ERF: variants seen among roughly 807,000 people sequenced by gnomAD.
The protein encoded by ERF is ETS2 repressor factor.
Under a neutral mutation model 41.6 loss-of-function variants are expected in ERF, and 10 were observed. The observed-to-expected ratio is 0.24, with a 90% CI of 0.15 to 0.41. ERF has a LOEUF of 0.41. Ranked by LOEUF, ERF falls within the 10% of genes least tolerant of loss-of-function variation. ERF has a pLI of 1.00. For synonymous variants in ERF, 395 were observed against 342.4 expected (o/e 1.15, Z -1.70); for missense variants, 621 against 763.2 (o/e 0.81, Z 2.19).
intron 1 of ERF, chr19:42,254,457 G>A: frequency 6.5e-6 from 1 of 153,104 alleles, no homozygotes; most frequent in South Asian, 2.0e-4. Context: ...GCGGGGGAGG[G>A]GCGGCGCAGC....
In ERF at chr19:42,248,304, T is replaced by TA. The variant is rs1386563367; in HGVS notation, c.*160dup. ...GGCACCCACCCACCCCCACCATTTTTAAAAAAAAGAAATTAAAGTTTTATA... is the reference window on the plus strand; with the variant it reads ...GGCACCCACCCACCCCCACCATTTTTAAAAAAAAAGAAATTAAAGTTTTATA... On this transcript the variant is annotated 3_prime_UTR_variant, in exon 4 of 4. Coordinates refer to ENST00000222329, the MANE Select transcript of ERF (RefSeq NM_006494.4). The surrounding 1 kb of genome is among the most constrained non-coding windows in gnomAD (Gnocchi z 4.2). 4.4e-5 allele frequency: 27 copies of TA among 614,660 alleles called. No individual in the cohort carries two copies. Among genetic ancestry groups the TA allele is most frequent in the East Asian group, 7.3e-5 (2 of 27,558 alleles). The allele number at this position is 614,660 out of a possible 1,614,324, so 38.1% of individuals were successfully genotyped here. A position where few individuals can be genotyped will look rare whatever the true frequency, so the allele number is the denominator to read the frequency against.
intron 1 of ERF, among the ~76,000 whole-genome samples, chr19:42,252,747 G>T (rs1172360893): frequency 2.0e-5 from 3 of 152,174 alleles, no homozygotes; most frequent in Non-Finnish European, 4.4e-5. Context: ...AGAATGAAGA[G>T]GGGGTGACGT....
chr19:42,249,114 T>G lies in ERF; in HGVS notation c.998A>C (p.His333Pro), dbSNP rs781590022. ...CTGGGGCACCACCAGCCCAGGGTAG[T>G]GCAGGAAGGCGCGGGGGCTGAGGTG... ...NYHLSPRAFL[H>P]YPGLVVPQPQ... The change falls in exon 4 of 4, where the codon CAC (histidine) becomes CCC (proline). Residue 333 changes from histidine (H) to proline (P), a missense_variant. Physicochemically the swap from His to Pro is moderately conservative, Grantham distance 77. Coordinates refer to ENST00000222329, the MANE Select transcript of ERF (RefSeq NM_006494.4). This position sits in a 1 kb window ranked among gnomAD's most constrained non-coding sequence, Gnocchi z 8.6. The G allele has an allele frequency of 1.9e-6, 3 of 1,613,720 alleles. No homozygotes were observed. Among genetic ancestry groups the G allele is most frequent in the Non-Finnish European group, 2.5e-6 (3 of 1,179,868 alleles).
At chr19:42,253,607 T>C (rs1046677567) in intron 1 of ERF, among the ~76,000 whole-genome samples, 1 of 151,392 alleles carries the variant, frequency 6.6e-6, no homozygotes, top group African/African-American at 2.4e-5. Flanking sequence ...CGGGAGCGAG[T>C]GGAAGCCGGG....
Position 42,248,850 on chromosome 19 carries a change from G to A in ERF, c.1262C>T (p.Pro421Leu), listed in dbSNP as rs533363033. The change falls in exon 4 of 4, where the codon CCG (proline) becomes CTG (leucine). Residue 421 changes from proline (P) to leucine (L), a missense_variant. This residue lies in a region of ERF where 569 missense variants were observed against 625.5 expected (regional missense o/e 0.91). Coordinates refer to ENST00000222329, the MANE Select transcript of ERF (RefSeq NM_006494.4). This position sits in a 1 kb window ranked among gnomAD's most constrained non-coding sequence, Gnocchi z 4.2. ...EGAGALAPPP[P>L]PPQIKVEPIS... ...GGGCTCCACCTTGATCTGTGGTGGC[G>A]GGGGCGGTGGGGCTAGCGCCCCTGC... 206 of 1,610,318 alleles carry A rather than the reference G, an allele frequency of 1.3e-4. 1 individual carries two copies. The Admixed American group carries it at 2.4e-3, about 19-fold the overall frequency.
chr19:42,253,531 G>A (rs1178830078), intron 1 of ERF, among the ~76,000 whole-genome samples: 4 of 152,144 alleles, frequency 2.6e-5, no homozygotes, highest in African/African-American at 9.7e-5. Context: ...AAGCGAGGTT[G>A]TCTGGGTGCC....
chr19:42,255,019 AGCGCCCCGATTCCGGGCCGCGGCTCCCG>A lies in ERF; in HGVS notation c.-48_-21del. The A allele has an allele frequency of 7.1e-7, 1 of 1,415,828 alleles. No homozygotes were observed. Among genetic ancestry groups the A allele is most frequent in the Non-Finnish European group, 9.2e-7 (1 of 1,085,818 alleles). The allele number at this position is 1,415,828 out of a possible 1,614,324, so 87.7% of individuals were successfully genotyped here. ...CTTCATGCTGGGGGGCCCGGGGCGAAGCGCCCCGATTCCGGGCCGCGGCTCCCGGCGCCCTCGCTGCCCCGTCCCGTCC... is the reference window on the plus strand; with the variant it reads ...CTTCATGCTGGGGGGCCCGGGGCGAAGCGCCCTCGCTGCCCCGTCCCGTCC... On this transcript the variant is annotated 5_prime_UTR_variant, in exon 1 of 4. Coordinates refer to ENST00000222329, the MANE Select transcript of ERF (RefSeq NM_006494.4).
chr19:42,254,256 C>A (rs1395071724), intron 1 of ERF, among the ~76,000 whole-genome samples: 2 of 151,748 alleles, frequency 1.3e-5, no homozygotes, highest in African/African-American at 2.4e-5. Flanking sequence ...CGTCTCCCCC[C>A]ACCTTCCCCA....
In ERF at chr19:42,250,812, G is replaced by T. The variant is rs547132770; in HGVS notation, c.23-247C>A. 4.6e-5 allele frequency among the ~76,000 whole-genome samples: 7 copies of T among 152,164 alleles called. No homozygotes were observed. Among genetic ancestry groups the T allele is most frequent in the Non-Finnish European group, 1.0e-4 (7 of 68,020 alleles). ...GCGACACCGGGAGAAACAGGAAACC[G>T]TCGGCGGTGGGTCCCGGGGCCAGTG... is the stretch of plus-strand genomic sequence containing the variant. On this transcript the variant is annotated intron_variant, in intron 1 of 3. Transcript: ENST00000222329. This position sits in a 1 kb window ranked among gnomAD's most constrained non-coding sequence, Gnocchi z 5.1.
Position 42,249,960 on chromosome 19 carries a change from C to T in ERF, c.258-18G>A, listed in dbSNP as rs2036416542. The T allele has an allele frequency of 6.2e-7, 1 of 1,610,936 alleles. No homozygotes were observed. The highest frequency in any genetic ancestry group is 1.7e-5 in the Admixed American group (1 of 59,986). ...AGTAATAGCTGTGGGTACAGAAATGCCATTGGGAAGGTCAGGTACGTGGGA... is the reference window on the plus strand; with the variant it reads ...AGTAATAGCTGTGGGTACAGAAATGTCATTGGGAAGGTCAGGTACGTGGGA... On this transcript the variant is annotated intron_variant, in intron 2 of 3. Transcript: ENST00000222329. The surrounding 1 kb of genome is among the most constrained non-coding windows in gnomAD (Gnocchi z 8.6).
At position 42,249,000 on chromosome 19, in the gene ERF, G is replaced by A. The variant is rs767470579; in HGVS notation, c.1112C>T (p.Ser371Phe). Residue 371 changes from serine to phenylalanine, a missense_variant, in exon 4 of 4, where the codon TCT becomes TTT. By Grantham distance (155) the Ser-to-Phe change is radical. This residue lies in a region of ERF where 569 missense variants were observed against 625.5 expected (regional missense o/e 0.91). Transcript: ENST00000222329. This position sits in a 1 kb window ranked among gnomAD's most constrained non-coding sequence, Gnocchi z 4.2. ...GAGCTTAAACTTGAATGGGGAGGAA[G>A]AAGAAGAAGAGGATGACGAGGCCGA... ...PSSASSSSSS[S>F]SSPFKFKLQP... is the part of the protein sequence containing the mutation. 1.9e-6 allele frequency: 3 copies of A among 1,609,536 alleles called. No individual in the cohort carries two copies. The highest frequency in any genetic ancestry group is 2.5e-6 in the Non-Finnish European group (3 of 1,179,258).
chr19:42,248,298 C>CA lies in ERF; in HGVS notation c.*166dup. On this transcript the variant is annotated 3_prime_UTR_variant, in exon 4 of 4. Transcript: ENST00000222329. The surrounding 1 kb of genome is among the most constrained non-coding windows in gnomAD (Gnocchi z 4.2). ...GCCCTGGGCACCCACCCACCCCCAC[C>CA]ATTTTTAAAAAAAAGAAATTAAAGT... 28 of 544,342 alleles carry CA rather than the reference C, an allele frequency of 5.1e-5. No homozygotes were observed. Among genetic ancestry groups the CA allele is most frequent in the South Asian group, 8.6e-5 (1 of 11,662 alleles). 33.7% of individuals were successfully genotyped at this position (544,342 alleles called of 1,614,324 possible).
Position 42,255,003 on chromosome 19 carries a change from G to C in ERF, c.-4C>G, listed in dbSNP as rs747881843. On this transcript the variant is annotated 5_prime_UTR_variant, in exon 1 of 4. Transcript: ENST00000222329. ...CTGTGTCCGCCGGGGTCTTCATGCT[G>C]GGGGGCCCGGGGCGAAGCGCCCCGA... 3.5e-6 allele frequency: 5 copies of C among 1,438,868 alleles called. No homozygotes were observed. In the South Asian group the frequency reaches 4.9e-5, roughly 14 times the overall value. The allele number at this position is 1,438,868 out of a possible 1,614,324, so 89.1% of individuals were successfully genotyped here. A position where few individuals can be genotyped will look rare whatever the true frequency, so the allele number is the denominator to read the frequency against.
intron 1 of ERF, chr19:42,253,858 G>C: frequency 9.4e-7 from 1 of 1,066,012 alleles, no homozygotes; most frequent in South Asian, 2.4e-5. Flanking sequence ...ACAGGAGCCC[G>C]AGCCGCCGCC....
At chr19:42,252,554 A>G (rs2036461564) in intron 1 of ERF, among the ~76,000 whole-genome samples, 1 of 152,206 alleles carries the variant, frequency 6.6e-6, no homozygotes, top group Admixed American at 6.5e-5. Context: ...CTCAAGCCGC[A>G]TTCTGGGAGC....
In ERF at chr19:42,248,479, G is replaced by C. The variant is rs754180432; in HGVS notation, c.1633C>G (p.His545Asp). ...GCCCACAGCCCTCAGGAGTCTCGGTGCTCCAGGGAGAGCTGGGCCGTGGCA... is the reference window on the plus strand; with the variant it reads ...GCCCACAGCCCTCAGGAGTCTCGGTCCTCCAGGGAGAGCTGGGCCGTGGCA... ...QHATAQLSLE[H>D]RDS is the part of the protein sequence containing the mutation. Residue 545 changes from histidine to aspartate, a missense_variant, in exon 4 of 4, where the codon CAC (histidine) becomes GAC (aspartate). His to Asp is a moderately conservative substitution (Grantham distance 81). Around this residue, in one of 3 missense-constraint regions of ERF, gnomAD observed 569 missense variants for 625.5 expected, o/e 0.91. Coordinates refer to ENST00000222329, the MANE Select transcript of ERF (RefSeq NM_006494.4). The surrounding 1 kb of genome is among the most constrained non-coding windows in gnomAD (Gnocchi z 4.2). 1.3e-6 allele frequency: 2 copies of C among 1,502,090 alleles called. No homozygotes were observed. Among genetic ancestry groups the C allele is most frequent in the Admixed American group, 2.3e-5 (1 of 43,114 alleles). The allele number at this position is 1,502,090 out of a possible 1,614,324, so 93.0% of individuals were successfully genotyped here.
rs1187176301 is a variant in ERF at position 42,249,530 on chromosome 19, T to C, written c.582A>G (p.Ser194=). 1 of 1,613,262 alleles carries C rather than the reference T, an allele frequency of 6.2e-7. No individual in the cohort carries two copies. ...GSVSDCSDGT[S]ELEEPLGEDP... ...CCTCTCCCAGCGGTTCCTCCAGCTC[T>C]GACGTGCCATCACTACAGTCACTGA... The change falls in exon 4 of 4, where the codon TCA becomes TCG. Residue 194 remains serine, a synonymous_variant. Coordinates refer to ENST00000222329, the MANE Select transcript of ERF (RefSeq NM_006494.4). The surrounding 1 kb of genome is among the most constrained non-coding windows in gnomAD (Gnocchi z 8.6).
Position 42,248,337 on chromosome 19 carries a change from T to G in ERF, c.*128A>C. On this transcript the variant is annotated 3_prime_UTR_variant, in exon 4 of 4. Transcript: ENST00000222329. The surrounding 1 kb of genome is among the most constrained non-coding windows in gnomAD (Gnocchi z 4.2). The stretch of plus-strand genomic sequence containing the variant: ...AGAAATTAAAGTTTTATACAAAATG[T>G]GGGGAGGGAAAAGGGAGGAGGCAGG... 5.5e-5 allele frequency: 41 copies of G among 750,912 alleles called. No individual in the cohort carries two copies. The highest frequency in any genetic ancestry group is 6.2e-5 in the Non-Finnish European group (33 of 532,510). The allele number at this position is 750,912 out of a possible 1,614,324, so 46.5% of individuals were successfully genotyped here. A position where few individuals can be genotyped will look rare whatever the true frequency, so the allele number is the denominator to read the frequency against.
At chr19:42,253,788 G>A in intron 1 of ERF, 5 of 689,440 alleles carry the variant, frequency 7.3e-6, no homozygotes, top group Non-Finnish European at 7.1e-6. Context: ...ATGGGAATGG[G>A]GTGGGAATGG....
Sources: gnomAD v4.1 joint callset for allele counts (sites outside exome capture counted in the v4.1 genomes callset) on GRCh38, gnomAD v4.1.1 for gene constraint, gnomAD v4.1.1 regional missense constraint, Gnocchi (gnomAD v3.1) non-coding constraint, MANE v1.5 for transcripts, NCBI Gene and HGNC (gene_info 2026-07-23, HGNC 2026-07-21) for gene names.